The following NLGN1 variants were observed in gnomAD, a reference collection of about 807,000 sequenced individuals.
NLGN1 encodes the protein neuroligin-1.
NLGN1 carries 12 observed loss-of-function variants against 65.5 expected under a neutral mutation model. That is an observed-to-expected ratio of 0.18 (90% CI 0.12 to 0.30). The LOEUF is 0.30. Among genes scored for constraint, NLGN1 ranks in the 10% least tolerant of loss-of-function variants. The pLI is 1.00. For missense variants in NLGN1, 750 were observed against 1,007.1 expected, an observed-to-expected ratio of 0.74 and a Z score of 3.46; for synonymous variants, 350 against 359.5, an observed-to-expected ratio of 0.97 and a Z score of 0.30.
At chr3:174,022,787 A>G (rs1184464022) in intron 4 of NLGN1, among the ~76,000 whole-genome samples, 1 of 152,020 alleles carries the variant, frequency 6.6e-6, no homozygotes, top group Non-Finnish European at 1.5e-5. Flanking sequence ...GAGCCTTTGA[A>G]TCTGCAGTTA....
intron 3 of NLGN1, among the ~76,000 whole-genome samples, chr3:173,676,060 C>T (rs1763129155): frequency 1.3e-5 from 2 of 151,882 alleles, no homozygotes; most frequent in African/African-American, 4.8e-5. Context: ...CAAAGGATCT[C>T]TCTGTAATAT....
At position 173,854,152 on chromosome 3, in the gene NLGN1, GCAA is replaced by G. The variant is rs1445330434; in HGVS notation, c.646+46330_646+46332del. 7.2e-5 allele frequency among the ~76,000 whole-genome samples: 11 copies of G among 151,762 alleles called. No homozygotes were observed. In the South Asian group the frequency reaches 1.5e-3, roughly 20 times the overall value. On this transcript the variant is annotated intron_variant, in intron 4 of 6. Transcript: ENST00000457714. ...TTAAGCAAGATACACTTTTAATATGGCAACAACAACAAAACTTTATCCATAATT... is the reference window on the plus strand; with the variant it reads ...TTAAGCAAGATACACTTTTAATATGGCAACAACAAAACTTTATCCATAATT...
chr3:173,519,312 C>G (rs1032707001), intron 2 of NLGN1, among the ~76,000 whole-genome samples: 3 of 152,212 alleles, frequency 2.0e-5, no homozygotes, highest in Admixed American at 1.3e-4. Flanking sequence ...CAGAGAGTCC[C>G]CATTGGGACA....
At chr3:173,797,059 G>A (rs1479610448) in intron 3 of NLGN1, among the ~76,000 whole-genome samples, 1 of 152,142 alleles carries the variant, frequency 6.6e-6, no homozygotes. Context: ...CTAGGCAGAG[G>A]TGGTGTTTTG....
chr3:173,471,887 T>C (rs1186560386), intron 2 of NLGN1, among the ~76,000 whole-genome samples: 2 of 152,140 alleles, frequency 1.3e-5, no homozygotes, highest in Non-Finnish European at 2.9e-5. Context: ...AGATTTATGA[T>C]TGTGAACCTG....
chr3:174,213,472 A>G (rs1431120541), intron 4 of NLGN1, among the ~76,000 whole-genome samples: 1 of 152,228 alleles, frequency 6.6e-6, no homozygotes, highest in Admixed American at 6.5e-5. Flanking sequence ...CAATCAAACA[A>G]TGTTGAAATA....
intron 4 of NLGN1, among the ~76,000 whole-genome samples, chr3:173,986,125 C>T (rs533001279): frequency 7.4e-4 from 112 of 152,116 alleles, no homozygotes; most frequent in Non-Finnish European, 1.2e-3. Flanking sequence ...TGAAGTCATA[C>T]GGGAGTAGAG....
exon 7 of NLGN1, chr3:174,282,348 A>T (rs1468117072): frequency 6.6e-6 from 1 of 152,138 alleles, no homozygotes; most frequent in East Asian, 1.9e-4. Flanking sequence ...GTCTTTCATG[A>T]TATGAGGATG....
intron 3 of NLGN1, among the ~76,000 whole-genome samples, chr3:173,607,783 G>A (rs576730011): frequency 1.3e-3 from 204 of 151,628 alleles, no homozygotes; most frequent in Non-Finnish European, 2.4e-3. Flanking sequence ...TTTAGGAACT[G>A]TGAGAATAGT....
At chr3:173,573,892 T>C (rs952887542) in intron 2 of NLGN1, among the ~76,000 whole-genome samples, 3 of 150,946 alleles carry the variant, frequency 2.0e-5, no homozygotes, top group African/African-American at 7.3e-5. Flanking sequence ...TGAAACCCCG[T>C]CTCTACTAAA....
intron 2 of NLGN1, among the ~76,000 whole-genome samples, chr3:173,596,535 T>C (rs1036387808): frequency 1.3e-5 from 2 of 152,260 alleles, no homozygotes; most frequent in African/African-American, 4.8e-5. Context: ...GATAATGATC[T>C]CTACCTCATG....
intron 3 of NLGN1, among the ~76,000 whole-genome samples, 190 bp downstream of exon 3, chr3:173,605,783 G>C (rs1359099085): frequency 6.6e-6 from 1 of 152,074 alleles, no homozygotes; most frequent in Non-Finnish European, 1.5e-5. Context: ...CATTGGCAAA[G>C]CTCATTGGTT....
chr3:173,514,773 A>T (rs781430262), intron 2 of NLGN1, among the ~76,000 whole-genome samples: 1 of 152,078 alleles, frequency 6.6e-6, no homozygotes, highest in African/African-American at 2.4e-5. Flanking sequence ...TCCTTCTGTG[A>T]TTGGCTTATT....
intron 2 of NLGN1, among the ~76,000 whole-genome samples, chr3:173,528,627 GT>G (rs1334643088): frequency 6.6e-6 from 1 of 151,992 alleles, no homozygotes; most frequent in African/African-American, 2.4e-5. Flanking sequence ...CCAAGGCTTT[GT>G]TTATTTTTTA....
At chr3:174,060,767 G>C in intron 4 of NLGN1, among the ~76,000 whole-genome samples, 1 of 152,072 alleles carries the variant, frequency 6.6e-6, no homozygotes, top group Non-Finnish European at 1.5e-5. Context: ...AAATATGTAA[G>C]AGTGTTGGCT....
intron 4 of NLGN1, among the ~76,000 whole-genome samples, chr3:174,134,195 T>C (rs1269010078): frequency 2.0e-5 from 3 of 152,164 alleles, no homozygotes; most frequent in Admixed American, 6.6e-5. Context: ...AAGAAAAGAA[T>C]CAAAAGGATC....
chr3:173,575,480 G>T (rs1745367680), intron 2 of NLGN1, among the ~76,000 whole-genome samples: 2 of 151,972 alleles, frequency 1.3e-5, no homozygotes, highest in Admixed American at 1.3e-4. Flanking sequence ...TTACCTTCAG[G>T]CATTCTTATT....
chr3:173,907,582 CTTT>C (rs561283815), intron 4 of NLGN1, among the ~76,000 whole-genome samples: 75 of 120,668 alleles, frequency 6.2e-4, no homozygotes, highest in Admixed American at 2.7e-3. Flanking sequence ...CTCTCTCTCT[CTTT>C]TTTTTTTTTT....
chr3:173,809,155 C>T (rs1246591661), intron 4 of NLGN1, among the ~76,000 whole-genome samples: 1 of 152,110 alleles, frequency 6.6e-6, no homozygotes, highest in Non-Finnish European at 1.5e-5. Flanking sequence ...ACATGAGTTC[C>T]TCCATAGTGT....
Sources: gnomAD v4.1 joint callset for allele counts (sites outside exome capture counted in the v4.1 genomes callset) on GRCh38, gnomAD v4.1.1 for gene constraint, MANE v1.5 for transcripts, NCBI Gene and HGNC (gene_info 2026-07-23, HGNC 2026-07-21) for gene names.